Variants in OR2L13 observed in about 807,000 individuals in gnomAD.
The protein encoded by OR2L13 is olfactory receptor family 2 subfamily L member 13, also known as olfactory receptor 2L13.
Under a neutral mutation model 15.3 loss-of-function variants are expected in OR2L13, and 14 were observed. The observed-to-expected ratio is 0.91, with a 90% CI of 0.60 to 1.43. The LOEUF is 1.43. OR2L13 is among the 40% of genes most tolerant of loss of function. OR2L13 has a pLI of 0.00. For synonymous variants in OR2L13, 152 were observed against 142.9 expected (o/e 1.06, Z -0.45); for missense variants, 367 against 387.9 (o/e 0.95, Z 0.45).
chr1:248,003,742 C>G, the OR2L13 span: 1 of 1,613,820 alleles, frequency 6.2e-7, no homozygotes, highest in African/African-American at 1.3e-5. Flanking sequence ...GTGCCACCAT[C>G]TTTCTCGTGT....
chr1:248,038,342 C>T, the OR2L13 span: 16 of 1,613,270 alleles, frequency 9.9e-6, no homozygotes, highest in Middle Eastern at 3.3e-4. Flanking sequence ...TTGGCCTTTT[C>T]GTATTCACCC....
the OR2L13 span, among the ~76,000 whole-genome samples, chr1:247,979,245 G>A: frequency 2.0e-5 from 3 of 152,170 alleles, no homozygotes; most frequent in South Asian, 6.2e-4. Flanking sequence ...CATGTGCCAT[G>A]TGGTTTGCTG....
At chr1:247,958,525 T>C in the OR2L13 span, among the ~76,000 whole-genome samples, 1 of 152,214 alleles carries the variant, frequency 6.6e-6, no homozygotes, top group African/African-American at 2.4e-5. Flanking sequence ...TTGATCTTTC[T>C]AATGTTGACA....
At chr1:247,946,767 C>G in the OR2L13 span, among the ~76,000 whole-genome samples, 1 of 152,136 alleles carries the variant, frequency 6.6e-6, no homozygotes, top group Admixed American at 6.5e-5. Flanking sequence ...TACCCTTCTC[C>G]CATTGTCACA....
At chr1:248,085,808 A>G in the OR2L13 span, among the ~76,000 whole-genome samples, 1 of 152,142 alleles carries the variant, frequency 6.6e-6, no homozygotes, top group Non-Finnish European at 1.5e-5. Context: ...TTCACCTTGG[A>G]TCATCAGGCA....
chr1:248,083,812 A>C, the OR2L13 span: 1 of 1,613,752 alleles, frequency 6.2e-7, no homozygotes, highest in Non-Finnish European at 8.5e-7. Context: ...GACCTGTGGG[A>C]TTTGGGTCTC....
the OR2L13 span, among the ~76,000 whole-genome samples, chr1:248,078,553 A>G: frequency 2.6e-4 from 39 of 152,176 alleles, no homozygotes; most frequent in South Asian, 7.0e-3. Context: ...ATGCAGTTAA[A>G]TATATATTTA....
chr1:248,069,182 T>C, the OR2L13 span, among the ~76,000 whole-genome samples: 4 of 151,894 alleles, frequency 2.6e-5, no homozygotes, highest in South Asian at 2.1e-4. Context: ...TCAGATTCAC[T>C]AAAGTTGAAA....
At chr1:247,992,870 TG>T in the OR2L13 span, among the ~76,000 whole-genome samples, 20 of 103,240 alleles carry the variant, frequency 1.9e-4, 1 homozygote, top group South Asian at 2.8e-3. Context: ...AGAATGATTT[TG>T]TGTGTGTGTG....
chr1:248,019,944 C>G, the OR2L13 span, among the ~76,000 whole-genome samples: 9 of 152,066 alleles, frequency 5.9e-5, no homozygotes, highest in Non-Finnish European at 4.4e-5. Flanking sequence ...CGAGCCACCA[C>G]CCCTGGCTAA....
upstream of OR2L13, among the ~76,000 whole-genome samples, chr1:248,094,993 A>C (rs1217410032): frequency 6.6e-6 from 1 of 152,234 alleles, no homozygotes; most frequent in Admixed American, 6.5e-5. Context: ...TGAATGCAGC[A>C]AAGTTGATTG....
At chr1:248,079,076 C>T in the OR2L13 span, among the ~76,000 whole-genome samples, 1 of 151,970 alleles carries the variant, frequency 6.6e-6, no homozygotes, top group Non-Finnish European at 1.5e-5. Flanking sequence ...TTACATAAAT[C>T]TACACATGTG....
chr1:247,973,201 A>C, the OR2L13 span, among the ~76,000 whole-genome samples: 127,960 of 152,126 alleles, frequency 0.84, 55,537 homozygotes, highest in South Asian at 0.97. Flanking sequence ...GAGGCATCCC[A>C]TTTGAAAACC....
the OR2L13 span, among the ~76,000 whole-genome samples, chr1:248,053,068 C>T: frequency 2.0e-5 from 3 of 152,008 alleles, no homozygotes; most frequent in African/African-American, 7.3e-5. Flanking sequence ...GTATTAAGCC[C>T]AGCATGCACT....
At chr1:248,039,023 A>G in the OR2L13 span, 2 of 1,614,010 alleles carry the variant, frequency 1.2e-6, no homozygotes, top group South Asian at 1.1e-5. Flanking sequence ...TCTACTATGC[A>G]CCCTTTGCTT....
the OR2L13 span, among the ~76,000 whole-genome samples, chr1:247,964,177 G>T: frequency 6.6e-6 from 1 of 152,142 alleles, no homozygotes; most frequent in Non-Finnish European, 1.5e-5. Context: ...CCTCCAGTGA[G>T]TTTTGTGTTT....
the OR2L13 span, among the ~76,000 whole-genome samples, chr1:247,963,813 T>C: frequency 2.0e-5 from 3 of 152,296 alleles, no homozygotes; most frequent in Admixed American, 1.3e-4. Context: ...TAGACACATA[T>C]ATGACCATAT....
At chr1:248,090,538 T>A (rs114767135), upstream of OR2L13, among the ~76,000 whole-genome samples, 157 of 149,918 alleles carry the variant, frequency 1.0e-3, no homozygotes, top group African/African-American at 3.7e-3. Flanking sequence ...AACATGCAGT[T>A]TTTGGCTTGT....
the OR2L13 span, chr1:248,038,858 A>G: frequency 7.4e-6 from 12 of 1,614,154 alleles, no homozygotes; most frequent in East Asian, 2.7e-4. Context: ...ATGAGAGCAC[A>G]GTGTTTTTGA....
Sources: allele counts gnomAD v4.1 joint callset (sites outside exome capture counted in the v4.1 genomes callset), GRCh38; gene constraint gnomAD v4.1.1; transcripts MANE v1.5; gene names NCBI Gene and HGNC (gene_info 2026-07-23, HGNC 2026-07-21).